TNS1: variants seen among roughly 807,000 people sequenced by gnomAD.
TNS1 encodes tensin-1.
A neutral mutation model predicts 168.6 loss-of-function variants in TNS1; 62 were observed. The observed-to-expected ratio is 0.37, with a 90% CI of 0.30 to 0.45. TNS1 has a LOEUF of 0.45. Among genes scored for constraint, TNS1 ranks in the 20% least tolerant of loss-of-function variants. The pLI is 1.00. For synonymous variants in TNS1, 934 were observed against 933.2 expected, an observed-to-expected ratio of 1.00 and a Z score of -0.02; for missense variants, 2,240 against 2,339.4, an observed-to-expected ratio of 0.96 and a Z score of 0.88.
At chr2:217,847,472 G>T in intron 19 of TNS1, 38 bp downstream of exon 19, 1 of 1,379,332 alleles carries the variant, frequency 7.2e-7, no homozygotes. Context: ...GACCAAATAA[G>T]GAAGGGGTAG....
At chr2:217,852,671 C>T (rs1947661395) in intron 18 of TNS1, among the ~76,000 whole-genome samples, 1 of 152,234 alleles carries the variant, frequency 6.6e-6, no homozygotes, top group African/African-American at 2.4e-5. Flanking sequence ...GGCCAAGCCC[C>T]ACTCAGCATC....
intron 8 of TNS1, 123 bp downstream of exon 8, chr2:217,897,675 T>C (rs761621260): frequency 2.7e-6 from 3 of 1,093,346 alleles, no homozygotes; most frequent in Non-Finnish European, 3.9e-6. Flanking sequence ...GAAAGGCAGA[T>C]AAACAAAGAG....
chr2:218,031,703 AAG>A lies in TNS1; in HGVS notation c.156+2115_156+2116del, dbSNP rs546840376. ...GGGTCTCTGATTCTACATAACAAGA[AAG>A]AGAGGAAGAGGAGGTCATCCAACCC... is the stretch of plus-strand genomic sequence containing the variant. On this transcript the variant is annotated intron_variant, in intron 1 of 1. Transcript: ENST00000649572. Among the ~76,000 whole-genome samples the A allele has an allele frequency of 5.4e-3, 823 of 152,272 alleles. 12 individuals carry two copies. Among genetic ancestry groups the A allele is most frequent in the South Asian group, 0.046 (221 of 4,828 alleles).
rs572610913 is a variant in TNS1, at chr2:217,997,768, G to A, written c.33+5072C>T. On this transcript the variant is annotated intron_variant, in intron 1 of 32. Transcript: ENST00000682258. ...TGAAATGAGATTATGCCGTAAAGTC[G>A]GTGGAATGGGGCCTGGCGCATGGTG... Among the ~76,000 whole-genome samples, 7 of 152,330 alleles carry A rather than the reference G, an allele frequency of 4.6e-5. No individual in the cohort carries two copies. The East Asian group carries it at 5.8e-4, about 13-fold the overall frequency.
rs146160396 is a variant in TNS1, at chr2:217,886,640, C to T, written c.873G>A (p.Val291=). The T allele has an allele frequency of 5.0e-5, 79 of 1,582,346 alleles. No homozygotes were observed. The African/African-American group carries it at 9.2e-4, about 18-fold the overall frequency. ...CGGAGAGCAGGCCACTGAAGTAATG[C>T]ACGTACCTGTAGTGGTGGGAGAAGC... ...PIGQPSQRRY[V]HYFSGLLSGS... Residue 291 remains valine (V), a synonymous_variant, in exon 13 of 33, where the codon GTG becomes GTA. Coordinates refer to ENST00000682258, the MANE Select transcript of TNS1 (RefSeq NM_001387777.1).
chr2:217,859,427 A>G (rs1240761397), intron 18 of TNS1: 3 of 524,002 alleles, frequency 5.7e-6, no homozygotes, highest in African/African-American at 3.8e-5. Context: ...TGGAAAAGGA[A>G]AAAGAAAAAA....
rs1416347865 is a variant in TNS1 at position 217,880,004 on chromosome 2, C to G, written c.1429+894G>C. Among the ~76,000 whole-genome samples the G allele has an allele frequency of 6.6e-6, 1 of 152,218 alleles. No homozygotes were observed. The highest frequency in any genetic ancestry group is 1.5e-5 in the Non-Finnish European group (1 of 68,032). ...CTGGGAAGGGTCTCAGTCACCCCAACTGAACACAGATGGGTGATGGGCTGG... is the reference window on the plus strand; with the variant it reads ...CTGGGAAGGGTCTCAGTCACCCCAAGTGAACACAGATGGGTGATGGGCTGG... On this transcript the variant is annotated intron_variant, in intron 18 of 32. Transcript: ENST00000682258. The surrounding 1 kb of genome is among the most constrained non-coding windows in gnomAD (Gnocchi z 4.2).
rs751434285 is a variant in TNS1 at position 217,836,227 on chromosome 2, G to A, written c.3008-16C>T. The A allele has an allele frequency of 5.6e-6, 9 of 1,596,538 alleles. No individual in the cohort carries two copies. In the South Asian group the frequency reaches 7.8e-5, roughly 14 times the overall value. On this transcript the variant is annotated splice_polypyrimidine_tract_variant and intron_variant, in intron 19 of 32. Transcript: ENST00000682258. ...GCCTGTACCCCTGGGAGGAAAGCAG[G>A]GTGTAGAGGACAATGAGCATTTTTG...
At chr2:217,911,917 CAGAA>C (rs1954454200) in intron 4 of TNS1, among the ~76,000 whole-genome samples, 1 of 152,220 alleles carries the variant, frequency 6.6e-6, no homozygotes, top group Admixed American at 6.5e-5. Context: ...CATACTTCCA[CAGAA>C]AGAATAGGAA....
intron 17 of TNS1, chr2:217,881,396 G>T (rs548406926): frequency 4.3e-5 from 8 of 187,144 alleles, no homozygotes; most frequent in Non-Finnish European, 7.8e-5. Flanking sequence ...GACCCTGGGG[G>T]TGGGGGGCAG....
At chr2:217,879,777 C>T (rs750626190) in intron 18 of TNS1, among the ~76,000 whole-genome samples, 5 of 152,152 alleles carry the variant, frequency 3.3e-5, no homozygotes, top group Admixed American at 6.5e-5. Flanking sequence ...CAGAAGACAG[C>T]GCCGTGTAGA....
intron 22 of TNS1, among the ~76,000 whole-genome samples, chr2:217,824,056 C>T (rs1412177210): frequency 6.6e-6 from 1 of 152,216 alleles, no homozygotes; most frequent in African/African-American, 2.4e-5. Flanking sequence ...ATATCTTAGG[C>T]TGGTGGGTAA....
intron 1 of TNS1, among the ~76,000 whole-genome samples, chr2:218,020,929 T>C (rs980164918): frequency 3.9e-5 from 6 of 152,192 alleles, no homozygotes; most frequent in African/African-American, 1.4e-4. Context: ...AGGAAGAAGC[T>C]GCAAGATAAG....
chr2:217,831,426 C>G (rs917371018), intron 22 of TNS1, 29 bp downstream of exon 22: 11 of 1,544,104 alleles, frequency 7.1e-6, no homozygotes, highest in Admixed American at 2.0e-5. Flanking sequence ...CCCTGGCCCC[C>G]CTCCCCATCT....
intron 3 of TNS1, among the ~76,000 whole-genome samples, chr2:217,977,502 TC>T (rs1957924833): frequency 6.6e-6 from 1 of 152,220 alleles, no homozygotes; most frequent in African/African-American, 2.4e-5. Flanking sequence ...ACCTGCTTGA[TC>T]CGTCAGCACC....
At chr2:217,909,994 C>G (rs910908546) in intron 4 of TNS1, among the ~76,000 whole-genome samples, 1 of 152,184 alleles carries the variant, frequency 6.6e-6, no homozygotes. Flanking sequence ...TCAGCTATCA[C>G]TATTGTTTAT....
chr2:217,830,864 AG>A (rs970678578), intron 22 of TNS1, among the ~76,000 whole-genome samples: 3 of 152,108 alleles, frequency 2.0e-5, no homozygotes, highest in Non-Finnish European at 4.4e-5. Flanking sequence ...AGGAAACGGC[AG>A]GCAATGATGG....
rs978022183 is a variant in TNS1 at position 217,818,490 on chromosome 2, C to T, written c.3842G>A (p.Ser1281Asn). The change falls in exon 24 of 33, where the codon AGC becomes AAC. Residue 1281 changes from serine (S) to asparagine (N), a missense_variant. Transcript: ENST00000682258. ...SVAGVHTVPG[S>N]PQARHRTVGT... is the part of the protein sequence containing the mutation. ...CACTGTTCTGTGGCGCGCCTGAGGG[C>T]TCCCAGGCACCGTGTGGACGCCAGC... The T allele has an allele frequency of 1.2e-6, 2 of 1,614,130 alleles. No homozygotes were observed. The highest frequency in any genetic ancestry group is 2.7e-5 in the African/African-American group (2 of 74,930).
intron 18 of TNS1, among the ~76,000 whole-genome samples, chr2:217,859,938 T>A (rs1282104227): frequency 6.6e-6 from 1 of 152,104 alleles, no homozygotes; most frequent in Non-Finnish European, 1.5e-5. Context: ...ATCAATTGAA[T>A]CTCCCAACCC....
Sources: gnomAD v4.1 joint callset for allele counts (sites outside exome capture counted in the v4.1 genomes callset) on GRCh38, gnomAD v4.1.1 for gene constraint, Gnocchi (gnomAD v3.1) non-coding constraint, MANE v1.5 for transcripts, NCBI Gene and HGNC (gene_info 2026-07-23, HGNC 2026-07-21) for gene names.